NBEA: variants seen among roughly 807,000 people sequenced by gnomAD.
The protein encoded by NBEA is neurobeachin.
A neutral mutation model predicts 343.4 loss-of-function variants in NBEA; 44 were observed. The ratio of observed to expected loss-of-function variants is 0.13; its 90% CI spans 0.10 to 0.16. The LOEUF is 0.16. Among genes scored for constraint, NBEA ranks in the 10% least tolerant of loss-of-function variants. The pLI, the probability that NBEA is intolerant of heterozygous loss-of-function variation, is 1.00. For missense variants in NBEA, 2,555 were observed against 3,631.3 expected, an observed-to-expected ratio of 0.70 and a Z score of 7.62; for synonymous variants, 1,175 against 1,238.7, an observed-to-expected ratio of 0.95 and a Z score of 1.08.
intron 16 of NBEA, among the ~76,000 whole-genome samples, chr13:35,122,187 A>G (rs1175834510): frequency 1.3e-5 from 2 of 152,190 alleles, no homozygotes; most frequent in Admixed American, 1.3e-4. Context: ...TAAAGCTTTT[A>G]AAGTAAAAAC....
chr13:35,588,341 C>T (rs1190104232), intron 46 of NBEA, among the ~76,000 whole-genome samples: 1 of 152,078 alleles, frequency 6.6e-6, no homozygotes, highest in African/African-American at 2.4e-5. Context: ...TCCTCACTCC[C>T]ATTCCAAGGA....
chr13:35,161,661 G>A (rs1267768437), intron 22 of NBEA, 89 bp from the exon 23 acceptor site: 4 of 1,041,524 alleles, frequency 3.8e-6, no homozygotes, highest in South Asian at 3.1e-5. Flanking sequence ...AAGCATTAAA[G>A]CATTATTCAC....
chr13:35,014,817 C>T (rs1206824938), intron 1 of NBEA, among the ~76,000 whole-genome samples: 5 of 151,912 alleles, frequency 3.3e-5, no homozygotes, highest in Admixed American at 1.3e-4. Context: ...GTTGCCCAGG[C>T]CTTGGCTGCA....
chr13:34,964,705 TG>T (rs1459885797), intron 1 of NBEA, among the ~76,000 whole-genome samples: 4 of 151,934 alleles, frequency 2.6e-5, no homozygotes, highest in Non-Finnish European at 4.4e-5. Flanking sequence ...TTTTGCTAAG[TG>T]GAGCTTAAAT....
At chr13:35,546,284 G>A (rs536485498) in intron 41 of NBEA, among the ~76,000 whole-genome samples, 1 of 152,224 alleles carries the variant, frequency 6.6e-6, no homozygotes, top group African/African-American at 2.4e-5. Context: ...GGTCAATGTG[G>A]CAAAACCCTG....
chr13:35,643,264 C>T (rs1247871293), intron 49 of NBEA, among the ~76,000 whole-genome samples: 2 of 152,176 alleles, frequency 1.3e-5, no homozygotes, highest in East Asian at 3.9e-4. Flanking sequence ...CTCTGTCACT[C>T]GTCTGGGCTC....
intron 35 of NBEA, among the ~76,000 whole-genome samples, chr13:35,305,575 G>A (rs945846953): frequency 6.6e-6 from 1 of 151,918 alleles, no homozygotes; most frequent in African/African-American, 2.4e-5. Context: ...ACAAGAGCCG[G>A]GGCATGCTTA....
chr13:34,942,704 G>A lies in NBEA; in HGVS notation c.-117G>A. 1 of 771,050 alleles carries A rather than the reference G, an allele frequency of 1.3e-6. No individual in the cohort carries two copies. Among genetic ancestry groups the A allele is most frequent in the Non-Finnish European group, 1.8e-6 (1 of 570,422 alleles). 47.8% of individuals were successfully genotyped at this position (771,050 alleles called of 1,614,324 possible). A position where few individuals can be genotyped will look rare whatever the true frequency, so the allele number is the denominator to read the frequency against. ...GGCGGGGAGCGGGCCCGGCGCCGCG[G>A]CGCTGGTGGATGCTGGGGCTCCGAG... On this transcript the variant is annotated 5_prime_UTR_variant, in exon 1 of 59. Coordinates refer to ENST00000379939, the MANE Select transcript of NBEA (RefSeq NM_001385012.1).
At chr13:35,484,326 C>CT (rs546593741) in intron 41 of NBEA, among the ~76,000 whole-genome samples, 1 of 129,546 alleles carries the variant, frequency 7.7e-6, no homozygotes, top group East Asian at 2.5e-4. Context: ...TTGTTTTTTA[C>CT]TTTTTTGCAA....
intron 1 of NBEA, among the ~76,000 whole-genome samples, chr13:34,986,020 T>G (rs1404810496): frequency 6.6e-6 from 1 of 150,856 alleles, no homozygotes; most frequent in Non-Finnish European, 1.5e-5. Context: ...AGGGTTTTTT[T>G]GTGTCTCTAT....
intron 38 of NBEA, among the ~76,000 whole-genome samples, chr13:35,400,800 T>C (rs1376549958): frequency 6.6e-6 from 1 of 151,978 alleles, no homozygotes; most frequent in Non-Finnish European, 1.5e-5. Flanking sequence ...CATTTATCCA[T>C]TTGTGGAGCA....
chr13:35,319,826 A>G (rs2038010490), intron 36 of NBEA, among the ~76,000 whole-genome samples: 1 of 151,868 alleles, frequency 6.6e-6, no homozygotes, highest in African/African-American at 2.4e-5. Flanking sequence ...TGTTGCATTG[A>G]TCCCTTTACC....
At chr13:35,595,737 T>C (rs944904284) in intron 47 of NBEA, among the ~76,000 whole-genome samples, 1 of 152,106 alleles carries the variant, frequency 6.6e-6, no homozygotes, top group Non-Finnish European at 1.5e-5. Context: ...CAAACCATCA[T>C]CCTCAAAGAT....
chr13:35,399,417 A>T (rs2152905482), intron 38 of NBEA, among the ~76,000 whole-genome samples: 1 of 152,188 alleles, frequency 6.6e-6, no homozygotes, highest in East Asian at 1.9e-4. Context: ...CCTTCTTCAC[A>T]AGGCAGCAGG....
At position 35,301,073 on chromosome 13, in the gene NBEA, G is replaced by T. The variant is rs535363397; in HGVS notation, c.5839-8455G>T. ...AGGAAAATATACTTTATCTTGTGAA[G>T]AATATTTTATAGTCCCTTTTCTGTC... On this transcript the variant is annotated intron_variant, in intron 35 of 58. Transcript: ENST00000379939. Among the ~76,000 whole-genome samples the T allele has an allele frequency of 2.0e-3, 299 of 151,862 alleles. 2 individuals are homozygous for T. The highest frequency in any genetic ancestry group is 7.0e-3 in the African/African-American group (291 of 41,410).
chr13:35,265,884 C>T (rs1288961975), intron 34 of NBEA, among the ~76,000 whole-genome samples: 11 of 151,804 alleles, frequency 7.2e-5, no homozygotes, highest in Non-Finnish European at 1.5e-4. Flanking sequence ...ATCTTCGGCA[C>T]AGCAAAGAAA....
At chr13:35,370,963 A>G (rs891029129) in intron 38 of NBEA, among the ~76,000 whole-genome samples, 1 of 152,072 alleles carries the variant, frequency 6.6e-6, no homozygotes, top group Admixed American at 6.6e-5. Flanking sequence ...TATAATGTTC[A>G]TGCTGAGAAA....
At chr13:35,021,259 T>C (rs1341571326) in intron 1 of NBEA, among the ~76,000 whole-genome samples, 1 of 152,174 alleles carries the variant, frequency 6.6e-6, no homozygotes, top group Non-Finnish European at 1.5e-5. Flanking sequence ...GCTTTCAAGT[T>C]ACAGGTGAAG....
intron 53 of NBEA, among the ~76,000 whole-genome samples, chr13:35,652,982 C>A (rs1226488073): frequency 1.3e-5 from 2 of 151,956 alleles, no homozygotes. Flanking sequence ...GCGTGAGCCA[C>A]CGCGCCCGGC....
Sources: allele counts gnomAD v4.1 joint callset (sites outside exome capture counted in the v4.1 genomes callset), GRCh38; gene constraint gnomAD v4.1.1; transcripts MANE v1.5; gene names NCBI Gene and HGNC (gene_info 2026-07-23, HGNC 2026-07-21).